Variants in CES4A observed in about 807,000 individuals in gnomAD.
CES4A encodes carboxylesterase 4A.
A neutral mutation model predicts 65.4 loss-of-function variants in CES4A; 48 were observed. The ratio of observed to expected loss-of-function variants is 0.73; its 90% confidence interval spans 0.58 to 0.93. The LOEUF (loss-of-function observed/expected upper bound fraction) is 0.93. Among genes scored for constraint, CES4A ranks in the 40% least tolerant of loss-of-function variants. The probability of loss-of-function intolerance (pLI) is 0.00; values close to 1 mark genes in which losing one functional copy is unlikely to be tolerated. For synonymous variants in CES4A, 247 were observed against 281.8 expected, an observed-to-expected ratio of 0.88 and a Z score of 1.24; for missense variants, 685 against 728.5, an observed-to-expected ratio of 0.94 and a Z score of 0.69.
downstream of CES4A, among the ~76,000 whole-genome samples, chr16:67,010,223 G>T (rs1312917198): frequency 6.6e-6 from 1 of 150,794 alleles, no homozygotes; most frequent in Admixed American, 6.6e-5. Flanking sequence ...CCACCACCAT[G>T]CCCGGCTTAT....
rs531677210 is a variant in CES4A, at chr16:66,995,148, A to G, written c.59-480A>G. 6.6e-5 allele frequency among the ~76,000 whole-genome samples: 10 copies of G among 152,042 alleles called. No individual in the cohort carries two copies. The East Asian group carries it at 1.7e-3, about 27-fold the overall frequency. On this transcript the variant is annotated intron_variant, in intron 1 of 13. Transcript: ENST00000648724. ...AGCATGGTGAAACACCGCCTCTACT[A>G]AAAATACAAAAATTAGCCGGGTGTG...
At position 67,003,008 on chromosome 16, in the gene CES4A, C is replaced by A; in HGVS notation, c.691-62C>A. On this transcript the variant is annotated intron_variant, in intron 5 of 13. Coordinates refer to ENST00000648724, the Ensembl canonical transcript of CES4A. This position sits in a 1 kb window ranked among gnomAD's most constrained non-coding sequence, Gnocchi z 4.2. ...GCCTGCCCATGGCCAGACAGATGCC[C>A]AGAACAGCCCAGGTGTCTCTACTTG... 7.0e-7 allele frequency: 1 copy of A among 1,430,916 alleles called. No individual in the cohort carries two copies. The highest frequency in any genetic ancestry group is 1.1e-5 in the South Asian group (1 of 87,140). 88.6% of individuals were successfully genotyped at this position (1,430,916 alleles called of 1,614,324 possible).
Position 67,001,322 on chromosome 16 carries a change from A to G in CES4A, c.551A>G (p.His184Arg), listed in dbSNP as rs1567581648. The change falls in exon 5 of 14, where the codon CAC becomes CGC. Residue 184 changes from histidine to arginine, a missense_variant. Transcript: ENST00000648724. The surrounding 1 kb of genome is among the most constrained non-coding windows in gnomAD (Gnocchi z 4.1). Reference sequence around the variant, plus strand: ...CACACGCCCAGCACGGACGACAGCCACGCGCGCGGGAACTGGGGGCTGCTG... The same window carrying G: ...CACACGCCCAGCACGGACGACAGCCGCGCGCGCGGGAACTGGGGGCTGCTG... The G allele has an allele frequency of 6.2e-7, 1 of 1,608,744 alleles. No individual in the cohort carries two copies. Among genetic ancestry groups the G allele is most frequent in the East Asian group, 2.2e-5 (1 of 44,780 alleles).
Position 67,001,378 on chromosome 16 carries a change from G to A in CES4A, c.607G>A (p.Glu203Lys), listed in dbSNP as rs1281358215. ...GATGGCGGCTCTGCGCTGGGTGCAG[G>A]AGAACATCGCAGCCTTCGGGGGAGA... is the stretch of plus-strand genomic sequence containing the variant. The change falls in exon 5 of 14, where the codon GAG becomes AAG. Residue 203 changes from glutamate (E) to lysine (K), a missense_variant. Physicochemically the swap from Glu to Lys is moderately conservative, Grantham distance 56. Transcript: ENST00000648724. This position sits in a 1 kb window ranked among gnomAD's most constrained non-coding sequence, Gnocchi z 4.1. 2 of 1,613,642 alleles carry A rather than the reference G, an allele frequency of 1.2e-6. No individual in the cohort carries two copies. The highest frequency in any genetic ancestry group is 1.7e-6 in the Non-Finnish European group (2 of 1,179,960).
In CES4A at chr16:67,001,768, C is replaced by T. The variant is rs1178108000; in HGVS notation, c.690+307C>T. ...TTCCCCCAGAACTCTATCCCCTGAA[C>T]AGAGCCCACCATCTGCCCCCTGGGC... On this transcript the variant is annotated intron_variant, in intron 5 of 13. Coordinates refer to ENST00000648724, the Ensembl canonical transcript of CES4A. This position sits in a 1 kb window ranked among gnomAD's most constrained non-coding sequence, Gnocchi z 4.1. Among the ~76,000 whole-genome samples the T allele has an allele frequency of 6.6e-6, 1 of 152,274 alleles. No homozygotes were observed. The highest frequency in any genetic ancestry group is 1.5e-5 in the Non-Finnish European group (1 of 68,052).
Position 67,003,464 on chromosome 16 carries a change from AG to A in CES4A, c.901-50del, listed in dbSNP as rs1750681156. 2 of 1,597,916 alleles carry A rather than the reference AG, an allele frequency of 1.3e-6. No homozygotes were observed. The highest frequency in any genetic ancestry group is 1.7e-6 in the Non-Finnish European group (2 of 1,165,380). ...ACTTCCCCAGGGACCCTGTCTCAAG[AG>A]CACACGAGGGAGACTTCCTTTAACT... On this transcript the variant is annotated intron_variant, in intron 7 of 13. Transcript: ENST00000648724. This position sits in a 1 kb window ranked among gnomAD's most constrained non-coding sequence, Gnocchi z 4.2.
At chr16:66,994,852 A>AC in intron 1 of CES4A, among the ~76,000 whole-genome samples, 1 of 151,444 alleles carries the variant, frequency 6.6e-6, no homozygotes, top group South Asian at 2.1e-4. Flanking sequence ...AAAAAAAAAA[A>AC]AATTAGCCAG....
intron 1 of CES4A, among the ~76,000 whole-genome samples, chr16:66,991,848 C>T (rs1597046405): frequency 6.6e-6 from 1 of 152,216 alleles, no homozygotes; most frequent in East Asian, 1.9e-4. Context: ...CTCATGCATG[C>T]CTGTACTCCC....
chr16:67,005,318 C>T lies in CES4A; in HGVS notation c.1240C>T (p.Arg414Ter), dbSNP rs755629060. ...CAATGAGCATGACTGGAAGATGCTA[C>T]GAAACCGTATGATGGACATAGTTCA... Residue 414 changes from arginine to a stop codon, truncating the protein, a stop_gained, in exon 11 of 14, where the codon CGA becomes TGA. Transcript: ENST00000648724. LOFTEE classifies it high-confidence loss of function. 23 of 1,614,056 alleles carry T rather than the reference C, an allele frequency of 1.4e-5. No homozygotes were observed. In the East Asian group the frequency reaches 1.8e-4, roughly 13 times the overall value.
In CES4A at chr16:67,000,459, C is replaced by A; in HGVS notation, c.261-179C>A. On this transcript the variant is annotated intron_variant, in intron 2 of 13. Coordinates refer to ENST00000648724, the Ensembl canonical transcript of CES4A. The surrounding 1 kb of genome is among the most constrained non-coding windows in gnomAD (Gnocchi z 4.2). The stretch of plus-strand genomic sequence containing the variant: ...TGGTTCCTGAGAGGCCAACCTGCCT[C>A]CCAGTCCTGGGCCCCGGGGCTGGCG... The A allele has an allele frequency of 7.1e-7, 1 of 1,417,098 alleles. No homozygotes were observed. Among genetic ancestry groups the A allele is most frequent in the South Asian group, 1.5e-5 (1 of 65,004 alleles). 87.8% of individuals were successfully genotyped at this position (1,417,098 alleles called of 1,614,324 possible).
At chr16:66,996,423 C>T (rs1964860116) in intron 2 of CES4A, among the ~76,000 whole-genome samples, 1 of 152,128 alleles carries the variant, frequency 6.6e-6, no homozygotes, top group African/African-American at 2.4e-5. Context: ...CTGCGTTTTC[C>T]TAAATGTGTC....
At position 67,001,079 on chromosome 16, in the gene CES4A, A is replaced by AG. The variant is rs1965292364; in HGVS notation, c.536+89_536+90insG. Reference sequence around the variant, plus strand: ...GGGAGGGGCGGGGCCTGGGGCGGGGATGGGGGGGGTGGGGCCGCGAGGCGG... The same window carrying AG: ...GGGAGGGGCGGGGCCTGGGGCGGGGAGTGGGGGGGGTGGGGCCGCGAGGCGG... On this transcript the variant is annotated intron_variant, in intron 4 of 13. Transcript: ENST00000648724. This position sits in a 1 kb window ranked among gnomAD's most constrained non-coding sequence, Gnocchi z 4.1. 7 of 122,908 alleles carry AG rather than the reference A, an allele frequency of 5.7e-5. No individual in the cohort carries two copies. Among genetic ancestry groups the AG allele is most frequent in the Non-Finnish European group, 1.0e-4 (7 of 69,894 alleles). The allele number at this position is 122,908 out of a possible 1,614,324, so 7.6% of individuals were successfully genotyped here. A position where few individuals can be genotyped will look rare whatever the true frequency, so the allele number is the denominator to read the frequency against.
intron 2 of CES4A, among the ~76,000 whole-genome samples, chr16:66,998,143 G>A (rs1965006085): frequency 6.6e-6 from 1 of 151,830 alleles, no homozygotes; most frequent in African/African-American, 2.4e-5. Context: ...GATGATGGGA[G>A]AAAGGATGGT....
chr16:67,010,037 CCA>C (rs1220311892), downstream of CES4A, among the ~76,000 whole-genome samples: 1 of 151,880 alleles, frequency 6.6e-6, no homozygotes, highest in Non-Finnish European at 1.5e-5. Context: ...CCAGCCTGTC[CCA>C]CAGTTTTGTT....
At chr16:66,990,513 A>C (rs1964305125) in intron 1 of CES4A, among the ~76,000 whole-genome samples, 1 of 152,182 alleles carries the variant, frequency 6.6e-6, no homozygotes, top group South Asian at 2.1e-4. Flanking sequence ...CCTGGGCAAC[A>C]TAACTAGAGC....
At chr16:67,004,659 C>T in intron 9 of CES4A, 134 bp from the exon 10 acceptor site, 2 of 696,192 alleles carry the variant, frequency 2.9e-6, no homozygotes, top group Non-Finnish European at 4.9e-6. Flanking sequence ...AGTCATGGGC[C>T]CTTCCTGGGC....
chr16:66,995,905 C>G, intron 2 of CES4A, 76 bp downstream of exon 2: 1 of 1,366,934 alleles, frequency 7.3e-7, no homozygotes, highest in Non-Finnish European at 1.0e-6. Flanking sequence ...TTGCACAGCT[C>G]ACTGAGAAGA....
exon 11 of CES4A, chr16:67,005,355 T>G (rs899761518): frequency 2.5e-6 from 4 of 1,614,178 alleles, no homozygotes; most frequent in Non-Finnish European, 3.4e-6. Context: ...GATGCCACTT[T>G]CGTGTATGCC....
chr16:67,000,431 G>C lies in CES4A; in HGVS notation c.261-207G>C. On this transcript the variant is annotated intron_variant, in intron 2 of 13. Coordinates refer to ENST00000648724, the Ensembl canonical transcript of CES4A. This position sits in a 1 kb window ranked among gnomAD's most constrained non-coding sequence, Gnocchi z 4.2. ...CGGACTGAGGCGCCGGGCAGGGAGGGGATGGTTCCTGAGAGGCCAACCTGC... is the reference window on the plus strand; with the variant it reads ...CGGACTGAGGCGCCGGGCAGGGAGGCGATGGTTCCTGAGAGGCCAACCTGC... 7.2e-7 allele frequency: 1 copy of C among 1,385,456 alleles called. No homozygotes were observed. Among genetic ancestry groups the C allele is most frequent in the Non-Finnish European group, 9.4e-7 (1 of 1,069,092 alleles). The allele number at this position is 1,385,456 out of a possible 1,614,324, so 85.8% of individuals were successfully genotyped here.
Sources: gnomAD v4.1 joint callset for allele counts (sites outside exome capture counted in the v4.1 genomes callset) on GRCh38, gnomAD v4.1.1 for gene constraint, Gnocchi (gnomAD v3.1) non-coding constraint, MANE v1.5 for transcripts, NCBI Gene and HGNC (gene_info 2026-07-23, HGNC 2026-07-21) for gene names.